The following SSBP2 variants were observed in gnomAD, a reference collection of about 807,000 sequenced individuals.
SSBP2 encodes single-stranded DNA-binding protein 2.
A neutral mutation model predicts 61.8 loss-of-function variants in SSBP2; 17 were observed. The ratio of observed to expected loss-of-function variants is 0.28; its 90% CI spans 0.19 to 0.41. SSBP2 has a LOEUF of 0.41. Ranked by LOEUF, SSBP2 falls within the 10% of genes least tolerant of loss-of-function variation. The pLI is 1.00. For missense variants in SSBP2, 310 were observed against 458.7 expected, an observed-to-expected ratio of 0.68 and a Z score of 2.96; for synonymous variants, 139 against 141.3, an observed-to-expected ratio of 0.98 and a Z score of 0.12.
chr5:81,643,714 T>G (rs1333380658), intron 2 of SSBP2, among the ~76,000 whole-genome samples: 1 of 148,548 alleles, frequency 6.7e-6, no homozygotes, highest in Non-Finnish European at 1.5e-5. Context: ...GCGATTCTCC[T>G]GCCTCAGCCT....
chr5:81,505,591 A>T (rs945057778), intron 5 of SSBP2, among the ~76,000 whole-genome samples: 1 of 151,998 alleles, frequency 6.6e-6, no homozygotes, highest in Non-Finnish European at 1.5e-5. Context: ...CTCTATATAA[A>T]TTTTTTTTAT....
chr5:81,504,715 AAT>A (rs1768047361), intron 5 of SSBP2, among the ~76,000 whole-genome samples: 2 of 152,146 alleles, frequency 1.3e-5, no homozygotes, highest in Admixed American at 6.5e-5. Flanking sequence ...CATATTTTAA[AAT>A]AGTTATTTAT....
At chr5:81,534,593 T>G (rs769580753) in intron 4 of SSBP2, among the ~76,000 whole-genome samples, 37 of 152,144 alleles carry the variant, frequency 2.4e-4, no homozygotes, top group Non-Finnish European at 4.9e-4. Flanking sequence ...ATTTTATTAC[T>G]AGACGAGACA....
At chr5:81,630,129 T>G (rs1747562439) in intron 3 of SSBP2, among the ~76,000 whole-genome samples, 1 of 152,168 alleles carries the variant, frequency 6.6e-6, no homozygotes, top group Non-Finnish European at 1.5e-5. Context: ...GACTCTTAGG[T>G]TGAGCAAATG....
At chr5:81,459,903 T>C (rs1013353555) in intron 10 of SSBP2, among the ~76,000 whole-genome samples, 6 of 152,188 alleles carry the variant, frequency 3.9e-5, no homozygotes, top group African/African-American at 1.2e-4. Context: ...GAAAGACTTG[T>C]TGAAATTAAA....
At chr5:81,750,835 G>GTGCGGGGCCTC in intron 1 of SSBP2, 146 bp downstream of exon 1, 2 of 888,302 alleles carry the variant, frequency 2.3e-6, no homozygotes, top group South Asian at 1.6e-5. Flanking sequence ...CGCACCACAC[G>GTGCGGGGCCTC]CCCCCATCGC....
Position 81,709,877 on chromosome 5 carries a change from T to C in SSBP2, c.62+41104A>G, listed in dbSNP as rs1581395816. On this transcript the variant is annotated intron_variant, in intron 1 of 16. Transcript: ENST00000320672. The stretch of plus-strand genomic sequence containing the variant: ...TGCATGCTATTTAGAAGTCAGTTTG[T>C]CTGGGATGCAGTCTTCCCTCAATTC... Among the ~76,000 whole-genome samples, 4 of 152,146 alleles carry C rather than the reference T, an allele frequency of 2.6e-5. 1 individual carries two copies. The highest frequency in any genetic ancestry group is 2.0e-4 in the Admixed American group (3 of 15,280).
intron 5 of SSBP2, among the ~76,000 whole-genome samples, chr5:81,491,750 A>C (rs1434072460): frequency 6.6e-6 from 1 of 152,202 alleles, no homozygotes; most frequent in Admixed American, 6.5e-5. Flanking sequence ...TATAAACTCT[A>C]ATCTTCACAC....
intron 1 of SSBP2, among the ~76,000 whole-genome samples, chr5:81,746,885 C>T (rs1161964124): frequency 3.3e-5 from 5 of 152,026 alleles, no homozygotes. Context: ...TATCACTACT[C>T]ATCTATTTGC....
intron 3 of SSBP2, among the ~76,000 whole-genome samples, chr5:81,623,795 T>C (rs1746870858): frequency 6.6e-6 from 1 of 152,176 alleles, no homozygotes; most frequent in Non-Finnish European, 1.5e-5. Flanking sequence ...AATAGTAACA[T>C]TGTTCTACTT....
chr5:81,648,620 G>A (rs915649331), intron 2 of SSBP2, among the ~76,000 whole-genome samples: 10 of 152,130 alleles, frequency 6.6e-5, no homozygotes, highest in East Asian at 1.9e-4. Context: ...GAGATAATAC[G>A]ATTTCAAGCA....
chr5:81,420,414 A>C lies in SSBP2; in HGVS notation c.*90T>G. Reference sequence around the variant, plus strand: ...TGGTGTGACTGAGATTCCTTTGTTTAACTGTACACTGTGATGAATAATTTT... The same window carrying C: ...TGGTGTGACTGAGATTCCTTTGTTTCACTGTACACTGTGATGAATAATTTT... On this transcript the variant is annotated 3_prime_UTR_variant, in exon 17 of 17. Coordinates refer to ENST00000320672, the MANE Select transcript of SSBP2 (RefSeq NM_012446.5). 1 of 1,270,098 alleles carries C rather than the reference A, an allele frequency of 7.9e-7. No individual in the cohort carries two copies. Among genetic ancestry groups the C allele is most frequent in the Non-Finnish European group, 1.1e-6 (1 of 872,920 alleles). 78.7% of individuals were successfully genotyped at this position (1,270,098 alleles called of 1,614,324 possible). A position where few individuals can be genotyped will look rare whatever the true frequency, so the allele number is the denominator to read the frequency against.
At chr5:81,588,108 A>T (rs1429856727) in intron 4 of SSBP2, among the ~76,000 whole-genome samples, 1 of 151,808 alleles carries the variant, frequency 6.6e-6, no homozygotes, top group Non-Finnish European at 1.5e-5. Context: ...TGGGATTACA[A>T]GTGTATGCCA....
intron 3 of SSBP2, among the ~76,000 whole-genome samples, chr5:81,615,821 C>G (rs1213611485): frequency 6.6e-6 from 1 of 152,154 alleles, no homozygotes; most frequent in African/African-American, 2.4e-5. Flanking sequence ...TTATAACTGG[C>G]TGTTTACATG....
chr5:81,549,310 G>A (rs773297731), intron 4 of SSBP2, among the ~76,000 whole-genome samples: 1 of 152,016 alleles, frequency 6.6e-6, no homozygotes, highest in Non-Finnish European at 1.5e-5. Flanking sequence ...TGACAATGTT[G>A]CATCATACTG....
At chr5:81,717,452 G>A (rs1311120696) in intron 1 of SSBP2, among the ~76,000 whole-genome samples, 1 of 152,064 alleles carries the variant, frequency 6.6e-6, no homozygotes, top group Non-Finnish European at 1.5e-5. Flanking sequence ...GGAGTCTCAT[G>A]CCTTCTACAT....
chr5:81,504,092 T>C (rs1028249131), intron 5 of SSBP2, among the ~76,000 whole-genome samples: 3 of 152,080 alleles, frequency 2.0e-5, no homozygotes, highest in African/African-American at 7.2e-5. Flanking sequence ...TGACACGAGT[T>C]TGCTTATATA....
chr5:81,474,999 T>C (rs1765494137), intron 6 of SSBP2, among the ~76,000 whole-genome samples: 1 of 152,194 alleles, frequency 6.6e-6, no homozygotes, highest in Admixed American at 6.5e-5. Flanking sequence ...GAATGAAAAT[T>C]GTTTTGTAGT....
rs1403754668 is a variant in SSBP2, at chr5:81,528,499, G to A, written c.283-14782C>T. 2.0e-5 allele frequency among the ~76,000 whole-genome samples: 3 copies of A among 152,072 alleles called. No homozygotes were observed. In the East Asian group the frequency reaches 5.8e-4, roughly 29 times the overall value. ...TCAATGGTGCTATTAAATATGAAAT[G>A]TCAACTGTTTTTAGTATCATTTCAT... On this transcript the variant is annotated intron_variant, in intron 4 of 16. Coordinates refer to ENST00000320672, the MANE Select transcript of SSBP2 (RefSeq NM_012446.5).
Sources: gnomAD v4.1 joint callset for allele counts (sites outside exome capture counted in the v4.1 genomes callset) on GRCh38, gnomAD v4.1.1 for gene constraint, MANE v1.5 for transcripts, NCBI Gene and HGNC (gene_info 2026-07-23, HGNC 2026-07-21) for gene names.